Variants in PTH1R observed in about 807,000 individuals in gnomAD.
The protein encoded by PTH1R is parathyroid hormone/parathyroid hormone-related peptide receptor.
Under a neutral mutation model 70.7 loss-of-function variants are expected in PTH1R, and 32 were observed. That is an observed-to-expected ratio of 0.45 (90% CI 0.34 to 0.61). PTH1R has a LOEUF of 0.61. Among genes scored for constraint, PTH1R ranks in the 20% least tolerant of loss-of-function variants. The probability of loss-of-function intolerance (pLI) is 0.01; values close to 1 mark genes in which losing one functional copy is unlikely to be tolerated. For synonymous variants in PTH1R, 329 were observed against 324.8 expected, an observed-to-expected ratio of 1.01 and a Z score of -0.14; for missense variants, 626 against 792.5, an observed-to-expected ratio of 0.79 and a Z score of 2.52.
In PTH1R at chr3:46,901,645, C is replaced by A; in HGVS notation, c.1117-121C>A. On this transcript the variant is annotated intron_variant, in intron 12 of 15. Transcript: ENST00000449590. The surrounding 1 kb of genome is among the most constrained non-coding windows in gnomAD (Gnocchi z 7.3). The stretch of plus-strand genomic sequence containing the variant: ...CACACTCCAGCCCAGAAAGGAAAAC[C>A]AAGGGCTCAAGGAGCCACCCAGAGA... 1 of 1,377,378 alleles carries A rather than the reference C, an allele frequency of 7.3e-7. No individual in the cohort carries two copies. Among genetic ancestry groups the A allele is most frequent in the East Asian group, 2.4e-5 (1 of 41,760 alleles). The allele number at this position is 1,377,378 out of a possible 1,614,324, so 85.3% of individuals were successfully genotyped here. A position where few individuals can be genotyped will look rare whatever the true frequency, so the allele number is the denominator to read the frequency against.
intron 4 of PTH1R, among the ~76,000 whole-genome samples, chr3:46,895,301 G>C (rs530954170): frequency 6.6e-6 from 1 of 152,152 alleles, no homozygotes; most frequent in Non-Finnish European, 1.5e-5. Flanking sequence ...ACAGCACTCA[G>C]GCCAGACTTA....
intron 10 of PTH1R, among the ~76,000 whole-genome samples, chr3:46,900,027 T>C (rs1410899832): frequency 6.6e-6 from 1 of 152,172 alleles, no homozygotes; most frequent in Non-Finnish European, 1.5e-5. Flanking sequence ...GGCTCTGGGA[T>C]CCAGTTACCG....
chr3:46,903,701 T>G lies in PTH1R; in HGVS notation c.*45T>G. ...CCTGCTGACATAGTGGATGGACAGA[T>G]GGACCAAAAGATGGGTGGTTGAATG... On this transcript the variant is annotated 3_prime_UTR_variant, in exon 16 of 16. Transcript: ENST00000449590. This position sits in a 1 kb window ranked among gnomAD's most constrained non-coding sequence, Gnocchi z 4.4. The G allele has an allele frequency of 6.2e-7, 1 of 1,600,252 alleles. No individual in the cohort carries two copies. Among genetic ancestry groups the G allele is most frequent in the Non-Finnish European group, 8.5e-7 (1 of 1,179,692 alleles).
In PTH1R at chr3:46,882,701, G is replaced by A. The variant is rs543709113; in HGVS notation, c.-48-811G>A. ...GAGGGAGCGAGGGAGTGACCGAAAC[G>A]GAGCTTGGGGCCGCTGGAAGAACTG... On this transcript the variant is annotated intron_variant, in intron 2 of 15. Transcript: ENST00000449590. The surrounding 1 kb of genome is among the most constrained non-coding windows in gnomAD (Gnocchi z 4.3). Among the ~76,000 whole-genome samples the A allele has an allele frequency of 1.3e-5, 2 of 152,166 alleles. No individual in the cohort carries two copies. The highest frequency in any genetic ancestry group is 4.1e-4 in the South Asian group (2 of 4,832).
chr3:46,899,283 A>G lies in PTH1R; in HGVS notation c.835-20A>G. 6.2e-7 allele frequency: 1 copy of G among 1,613,628 alleles called. No homozygotes were observed. Among genetic ancestry groups the G allele is most frequent in the Non-Finnish European group, 8.5e-7 (1 of 1,179,910 alleles). On this transcript the variant is annotated intron_variant, in intron 9 of 15. Coordinates refer to ENST00000449590, the MANE Select transcript of PTH1R (RefSeq NM_000316.3). The stretch of plus-strand genomic sequence containing the variant: ...CGGAGGCAGGCCCTGCCCTCTGACT[A>G]ACACCAGCTGGTCTCTTAGGCGGGC...
chr3:46,901,799 G>A lies in PTH1R; in HGVS notation c.1150G>A (p.Val384Met), dbSNP rs1211470839. 1.9e-6 allele frequency: 3 copies of A among 1,614,080 alleles called. No homozygotes were observed. Among genetic ancestry groups the A allele is most frequent in the Non-Finnish European group, 1.7e-6 (2 of 1,179,998 alleles). ...NFILFINIVR[V>M]LATKLRETNA... is the part of the protein sequence containing the mutation. ...CATCCTCTTCATCAATATCGTCCGG[G>A]TGCTCGCCACCAAGCTGCGGGAGAC... Residue 384 changes from valine to methionine, a missense_variant, in exon 13 of 16, where the codon GTG (valine) becomes ATG (methionine). Physicochemically the swap from Val to Met is conservative, Grantham distance 21. This residue lies in a region of PTH1R where 495 missense variants were observed against 638.7 expected (regional missense o/e 0.77). Transcript: ENST00000449590. The surrounding 1 kb of genome is among the most constrained non-coding windows in gnomAD (Gnocchi z 7.3).
At position 46,898,056 on chromosome 3, in the gene PTH1R, C is replaced by G. The variant is rs1033299374; in HGVS notation, c.425-18C>G. The G allele has an allele frequency of 2.5e-6, 4 of 1,613,686 alleles. No homozygotes were observed. The Admixed American group carries it at 6.7e-5, about 27-fold the overall frequency. On this transcript the variant is annotated intron_variant, in intron 6 of 15. Transcript: ENST00000449590. Reference sequence around the variant, plus strand: ...CTCGAGACCTCCCTGCCGGCCCTGACCTCCCATGGACCTGCAGGCCATGCC... The same window carrying G: ...CTCGAGACCTCCCTGCCGGCCCTGAGCTCCCATGGACCTGCAGGCCATGCC...
At chr3:46,898,355 G>C (rs1177723792) in intron 7 of PTH1R, 23 bp from the exon 8 acceptor site, 3 of 1,611,326 alleles carry the variant, frequency 1.9e-6, no homozygotes, top group Admixed American at 1.7e-5. Context: ...GGCTCTGACT[G>C]TGTCTCCCCC....
Position 46,901,349 on chromosome 3 carries a change from G to A in PTH1R, c.1050-65G>A. On this transcript the variant is annotated intron_variant, in intron 11 of 15. Transcript: ENST00000449590. The surrounding 1 kb of genome is among the most constrained non-coding windows in gnomAD (Gnocchi z 7.3). Reference sequence around the variant, plus strand: ...TAATGTCAGACCAGACCAAATCTGGGTCTCTGTGGGCAGTCTTAGGATGGG... The same window carrying A: ...TAATGTCAGACCAGACCAAATCTGGATCTCTGTGGGCAGTCTTAGGATGGG... 1 of 1,540,202 alleles carries A rather than the reference G, an allele frequency of 6.5e-7. No individual in the cohort carries two copies. Among genetic ancestry groups the A allele is most frequent in the Non-Finnish European group, 8.8e-7 (1 of 1,137,372 alleles).
At chr3:46,899,118 T>A (rs766896749) in intron 9 of PTH1R, among the ~76,000 whole-genome samples, 185 bp from the exon 10 acceptor site, 4 of 152,088 alleles carry the variant, frequency 2.6e-5, no homozygotes, top group African/African-American at 9.7e-5. Flanking sequence ...CCACTCTACC[T>A]CTTCACTTTG....
At chr3:46,894,905 A>G (rs1423602127) in intron 4 of PTH1R, among the ~76,000 whole-genome samples, 1 of 151,904 alleles carries the variant, frequency 6.6e-6, no homozygotes, top group East Asian at 1.9e-4. Context: ...CTAAAAAAAA[A>G]ATTTAAAAAT....
At chr3:46,899,000 T>A (rs945770192) in intron 9 of PTH1R, 143 bp downstream of exon 9, 4 of 723,260 alleles carry the variant, frequency 5.5e-6, no homozygotes, top group Middle Eastern at 2.4e-4. Context: ...TCTTATAGGG[T>A]CCCTCGCAAC....
rs2032095141 is a variant in PTH1R at position 46,901,220 on chromosome 3, C to A, written c.1049+135C>A. ...CAGGAGTTCTCAGTCCAGCCTCAAG[C>A]CAGGAGCACCCTCAGGGTCACAGGA... On this transcript the variant is annotated intron_variant, in intron 11 of 15. Transcript: ENST00000449590. The surrounding 1 kb of genome is among the most constrained non-coding windows in gnomAD (Gnocchi z 7.3). 2 of 1,313,594 alleles carry A rather than the reference C, an allele frequency of 1.5e-6. No individual in the cohort carries two copies. The highest frequency in any genetic ancestry group is 1.1e-6 in the Non-Finnish European group (1 of 936,502). 81.4% of individuals were successfully genotyped at this position (1,313,594 alleles called of 1,614,324 possible).
chr3:46,888,667 C>T (rs2031192039), intron 3 of PTH1R, among the ~76,000 whole-genome samples: 2 of 152,220 alleles, frequency 1.3e-5, no homozygotes. Context: ...ACTCTGGGGC[C>T]AGTCTTATGC....
Position 46,892,788 on chromosome 3 carries a change from C to T in PTH1R, c.76-1119C>T, listed in dbSNP as rs144119835. Reference sequence around the variant, plus strand: ...GCGTCTGAAGGATGCAGCTCTGCCGCGGAGCTGAGGAGACGTAGCCTTCTG... The same window carrying T: ...GCGTCTGAAGGATGCAGCTCTGCCGTGGAGCTGAGGAGACGTAGCCTTCTG... On this transcript the variant is annotated intron_variant, in intron 3 of 15. Transcript: ENST00000449590. The surrounding 1 kb of genome is among the most constrained non-coding windows in gnomAD (Gnocchi z 5.2). The T allele has an allele frequency of 1.2e-3, 1,141 of 985,784 alleles. 10 individuals carry two copies. In the African/African-American group the frequency reaches 0.014, roughly 12 times the overall value. 61.1% of individuals were successfully genotyped at this position (985,784 alleles called of 1,614,324 possible). A position where few individuals can be genotyped will look rare whatever the true frequency, so the allele number is the denominator to read the frequency against.
chr3:46,899,342 C>T lies in PTH1R; in HGVS notation c.874C>T (p.Leu292=), dbSNP rs1259821592. The T allele has an allele frequency of 6.2e-7, 1 of 1,614,096 alleles. No individual in the cohort carries two copies. The highest frequency in any genetic ancestry group is 8.5e-7 in the Non-Finnish European group (1 of 1,180,018). ...GGCTGTGACCTTCTTCCTTTACTTC[C>T]TGGCCACCAACTACTACTGGATTCT... The part of the protein sequence containing the change: ...RVAVTFFLYF[L]ATNYYWILVE... Residue 292 remains leucine (L), a synonymous_variant, in exon 10 of 16, where the codon CTG becomes TTG. Transcript: ENST00000449590.
rs1426431221 is a variant in PTH1R at position 46,902,897 on chromosome 3, C to T, written c.1395+107C>T. 1 of 1,454,418 alleles carries T rather than the reference C, an allele frequency of 6.9e-7. No homozygotes were observed. Among genetic ancestry groups the T allele is most frequent in the East Asian group, 2.3e-5 (1 of 44,272 alleles). 90.1% of individuals were successfully genotyped at this position (1,454,418 alleles called of 1,614,324 possible). ...CCACCCTGTTATTTCTTTGTTCCTC[C>T]AAGAACACCCCTGAGGACATTCTGA... is the stretch of plus-strand genomic sequence containing the variant. On this transcript the variant is annotated intron_variant, in intron 15 of 15. Transcript: ENST00000449590. This position sits in a 1 kb window ranked among gnomAD's most constrained non-coding sequence, Gnocchi z 5.4.
At chr3:46,900,786 A>G (rs1347639553) in intron 10 of PTH1R, among the ~76,000 whole-genome samples, 3 of 152,146 alleles carry the variant, frequency 2.0e-5, no homozygotes, top group Non-Finnish European at 4.4e-5. Flanking sequence ...ATATGTGCAT[A>G]TGACATGGAG....
In PTH1R at chr3:46,902,450, C is replaced by A; in HGVS notation, c.1212-76C>A. ...CTTTGAGCTTCCGGAGCCTGGGGCT[C>A]GCAGGGTGGGGGGTGGCACAATGCT... On this transcript the variant is annotated intron_variant, in intron 13 of 15. Coordinates refer to ENST00000449590, the MANE Select transcript of PTH1R (RefSeq NM_000316.3). This position sits in a 1 kb window ranked among gnomAD's most constrained non-coding sequence, Gnocchi z 5.4. 1 of 1,575,732 alleles carries A rather than the reference C, an allele frequency of 6.3e-7. No individual in the cohort carries two copies. The highest frequency in any genetic ancestry group is 8.6e-7 in the Non-Finnish European group (1 of 1,160,920).
Sources: gnomAD v4.1 joint callset for allele counts (sites outside exome capture counted in the v4.1 genomes callset) on GRCh38, gnomAD v4.1.1 for gene constraint, gnomAD v4.1.1 regional missense constraint, Gnocchi (gnomAD v3.1) non-coding constraint, MANE v1.5 for transcripts, NCBI Gene and HGNC (gene_info 2026-07-23, HGNC 2026-07-21) for gene names.